Variants in COG5 observed in about 807,000 individuals in gnomAD.
The protein encoded by COG5 is conserved oligomeric Golgi complex subunit 5.
A neutral mutation model predicts 110.4 loss-of-function variants in COG5; 86 were observed. The observed-to-expected ratio is 0.78, with a 90% CI of 0.65 to 0.93. The LOEUF (loss-of-function observed/expected upper bound fraction) is 0.93, where lower values mean the gene tolerates loss of function less well. Ranked by LOEUF, COG5 falls within the 40% of genes least tolerant of loss-of-function variation. The pLI, the probability that COG5 is intolerant of heterozygous loss-of-function variation, is 0.00. For missense variants in COG5, 1,077 were observed against 987.0 expected, an observed-to-expected ratio of 1.09 and a Z score of -1.22; for synonymous variants, 360 against 334.6, an observed-to-expected ratio of 1.08 and a Z score of -0.83.
intron 12 of COG5, among the ~76,000 whole-genome samples, chr7:107,286,004 T>TA (rs1805595522): frequency 6.6e-6 from 1 of 152,038 alleles, no homozygotes; most frequent in African/African-American, 2.4e-5. Flanking sequence ...GCAAGGAAGA[T>TA]AGAGAATAAT....
intron 6 of COG5, among the ~76,000 whole-genome samples, chr7:107,420,617 C>T (rs762662162): frequency 4.6e-5 from 7 of 152,168 alleles, no homozygotes; most frequent in Admixed American, 6.5e-5. Context: ...TGTGCAACCA[C>T]GCCTGGCTAA....
intron 12 of COG5, among the ~76,000 whole-genome samples, chr7:107,285,374 T>C (rs1409413653): frequency 6.6e-6 from 1 of 152,214 alleles, no homozygotes; most frequent in African/African-American, 2.4e-5. Context: ...TGCAGAAATT[T>C]TGGCACTGAA....
intron 6 of COG5, among the ~76,000 whole-genome samples, chr7:107,422,172 T>A (rs1469242846): frequency 6.6e-6 from 1 of 152,100 alleles, no homozygotes; most frequent in African/African-American, 2.4e-5. Context: ...TTTGAAAACA[T>A]CAATAAAATT....
chr7:107,454,772 G>C (rs1046184869), intron 6 of COG5, among the ~76,000 whole-genome samples: 1 of 152,052 alleles, frequency 6.6e-6, no homozygotes, highest in Admixed American at 6.6e-5. Flanking sequence ...GACATGGGTT[G>C]GCAGATTTGT....
intron 10 of COG5, among the ~76,000 whole-genome samples, chr7:107,351,662 A>C (rs1202945624): frequency 6.6e-6 from 1 of 152,224 alleles, no homozygotes; most frequent in Non-Finnish European, 1.5e-5. Flanking sequence ...ATACGAACAG[A>C]CACTTCTCAA....
chr7:107,321,873 G>A (rs1809324997), intron 11 of COG5, among the ~76,000 whole-genome samples: 1 of 152,108 alleles, frequency 6.6e-6, no homozygotes, highest in Non-Finnish European at 1.5e-5. Flanking sequence ...AATTTGATCA[G>A]GATTTAAAAC....
At chr7:107,408,877 T>C (rs893300948) in intron 7 of COG5, among the ~76,000 whole-genome samples, 2 of 151,996 alleles carry the variant, frequency 1.3e-5, no homozygotes, top group African/African-American at 4.8e-5. Flanking sequence ...TTCTCCACAG[T>C]TCAGTAGTTC....
At chr7:107,547,034 C>T (rs1004279586) in intron 5 of COG5, among the ~76,000 whole-genome samples, 2 of 152,290 alleles carry the variant, frequency 1.3e-5, no homozygotes, top group African/African-American at 2.4e-5. Flanking sequence ...TTTTATTAGG[C>T]CAATATTACC....
intron 6 of COG5, among the ~76,000 whole-genome samples, chr7:107,428,089 T>C (rs1241581168): frequency 2.0e-5 from 3 of 152,032 alleles, no homozygotes; most frequent in African/African-American, 7.2e-5. Flanking sequence ...AGGGTAGGTA[T>C]ATGTAAAACA....
In COG5 at chr7:107,379,436, G is replaced by A. The variant is rs367756838; in HGVS notation, c.670-6676C>T. Among the ~76,000 whole-genome samples, 5 of 152,178 alleles carry A rather than the reference G, an allele frequency of 3.3e-5. No homozygotes were observed. In the East Asian group the frequency reaches 5.8e-4, roughly 18 times the overall value. On this transcript the variant is annotated intron_variant, in intron 7 of 21. Transcript: ENST00000297135. ...ACACAAAACAATATTAACTTTAAAA[G>A]TAAATGGGCTAAATGCCCCAATTAA...
At chr7:107,486,222 T>C (rs2129124646) in intron 6 of COG5, among the ~76,000 whole-genome samples, 1 of 152,194 alleles carries the variant, frequency 6.6e-6, no homozygotes, top group African/African-American at 2.4e-5. Context: ...ACATTTTCAC[T>C]TTCTATTTCC....
chr7:107,555,132 G>C (rs567012537), intron 2 of COG5, among the ~76,000 whole-genome samples: 1 of 152,258 alleles, frequency 6.6e-6, no homozygotes, highest in Non-Finnish European at 1.5e-5. Flanking sequence ...TCTGCTTCCA[G>C]TTTCCCAGTG....
chr7:107,538,517 T>C (rs1801749952), intron 5 of COG5, among the ~76,000 whole-genome samples: 3 of 152,292 alleles, frequency 2.0e-5, no homozygotes, highest in Middle Eastern at 3.4e-3. Flanking sequence ...GTCTGCGTCC[T>C]AGTTTTGTGT....
rs146127659 is a variant in COG5, at chr7:107,556,293, T to C, written c.234+1683A>G. On this transcript the variant is annotated intron_variant, in intron 2 of 21. Coordinates refer to ENST00000297135, the MANE Select transcript of COG5 (RefSeq NM_006348.5). ...CCAAACTCTCTGTATGAAGTGTCTT[T>C]CTTAGAGTGATTTCTAGTTCCTGCA... is the stretch of plus-strand genomic sequence containing the variant. 2.6e-4 allele frequency among the ~76,000 whole-genome samples: 40 copies of C among 152,332 alleles called. No individual in the cohort carries two copies. The East Asian group carries it at 6.6e-3, about 25-fold the overall frequency.
At chr7:107,553,982 G>A (rs1803110019) in intron 3 of COG5, among the ~76,000 whole-genome samples, 1 of 152,180 alleles carries the variant, frequency 6.6e-6, no homozygotes, top group Admixed American at 6.5e-5. Flanking sequence ...AACTGAGGCA[G>A]AAAAGGGTTA....
intron 19 of COG5, among the ~76,000 whole-genome samples, chr7:107,220,056 G>C (rs573993611): frequency 6.6e-6 from 1 of 152,306 alleles, no homozygotes; most frequent in Admixed American, 6.5e-5. Flanking sequence ...GTAAAAGCTA[G>C]AAGTGGCAAA....
chr7:107,507,200 G>A (rs1799079587), intron 6 of COG5, among the ~76,000 whole-genome samples: 2 of 152,068 alleles, frequency 1.3e-5, no homozygotes, highest in African/African-American at 2.4e-5. Flanking sequence ...AGTATAGGCT[G>A]TAGCCTGCAG....
chr7:107,419,354 T>TA (rs1380283668), intron 6 of COG5, among the ~76,000 whole-genome samples: 2 of 151,618 alleles, frequency 1.3e-5, no homozygotes, highest in Non-Finnish European at 2.9e-5. Context: ...ACCAATAATT[T>TA]AAACAAAATT....
At chr7:107,326,064 G>A (rs563983731) in intron 10 of COG5, among the ~76,000 whole-genome samples, 4 of 152,114 alleles carry the variant, frequency 2.6e-5, no homozygotes, top group South Asian at 2.1e-4. Flanking sequence ...CCACATGGTC[G>A]TCTCAATTAA....
Sources: allele counts gnomAD v4.1 joint callset (sites outside exome capture counted in the v4.1 genomes callset), GRCh38; gene constraint gnomAD v4.1.1; transcripts MANE v1.5; gene names NCBI Gene and HGNC (gene_info 2026-07-23, HGNC 2026-07-21).